The following UHRF2 variants were observed in gnomAD, a reference collection of about 807,000 sequenced individuals.
UHRF2 encodes E3 ubiquitin-protein ligase UHRF2.
Under a neutral mutation model 96.8 loss-of-function variants are expected in UHRF2, and 23 were observed. That is an observed-to-expected ratio of 0.24 (90% CI 0.17 to 0.34). UHRF2 has a LOEUF of 0.34. Among genes scored for constraint, UHRF2 ranks in the 10% least tolerant of loss-of-function variants. UHRF2 has a pLI of 1.00. For synonymous variants in UHRF2, 385 were observed against 332.6 expected (o/e 1.16, Z -1.72); for missense variants, 685 against 981.5 (o/e 0.70, Z 4.04).
chr9:6,468,377 T>G (rs1458661300), intron 4 of UHRF2: 2 of 451,744 alleles, frequency 4.4e-6, no homozygotes, highest in Non-Finnish European at 8.9e-6. Context: ...GGCAGTAGAT[T>G]AGTGCTTTTA....
chr9:6,482,596 G>T (rs1422640774), intron 8 of UHRF2, among the ~76,000 whole-genome samples: 2 of 148,104 alleles, frequency 1.4e-5, no homozygotes, highest in Non-Finnish European at 3.0e-5. Flanking sequence ...AATAAGAGGG[G>T]CCTTTTTTTT....
intron 14 of UHRF2, 147 bp downstream of exon 14, chr9:6,500,856 T>C (rs1816254888): frequency 1.4e-6 from 1 of 721,124 alleles, no homozygotes; most frequent in Non-Finnish European, 2.2e-6. Context: ...TCAGAAATAA[T>C]CTGAGGCAAC....
At chr9:6,454,862 G>A (rs912195201) in intron 3 of UHRF2, among the ~76,000 whole-genome samples, 1 of 152,154 alleles carries the variant, frequency 6.6e-6, no homozygotes, top group Non-Finnish European at 1.5e-5. Context: ...TTTTAAACTT[G>A]AGCATGCATC....
intron 9 of UHRF2, among the ~76,000 whole-genome samples, chr9:6,487,865 C>T (rs1017778813): frequency 1.3e-5 from 2 of 152,170 alleles, no homozygotes; most frequent in Non-Finnish European, 2.9e-5. Flanking sequence ...AAAACTGGTT[C>T]CAGTGTTAAA....
intron 1 of UHRF2, among the ~76,000 whole-genome samples, chr9:6,417,794 C>T (rs560709677): frequency 6.6e-6 from 1 of 152,200 alleles, no homozygotes; most frequent in East Asian, 1.9e-4. Context: ...GACATTTTTT[C>T]CTGTCAAATC....
chr9:6,436,731 G>C lies in UHRF2; in HGVS notation c.644+2558G>C, dbSNP rs188667433. 5.5e-4 allele frequency among the ~76,000 whole-genome samples: 84 copies of C among 152,240 alleles called. 3 individuals are homozygous for C. The Middle Eastern group carries it at 0.01, about 18-fold the overall frequency. On this transcript the variant is annotated intron_variant, in intron 3 of 15. Coordinates refer to ENST00000276893, the MANE Select transcript of UHRF2 (RefSeq NM_152896.3). ...CTACCCTTCAGTTTGGTGTATCTTA[G>C]AGCACAAAACACAGTACCTTAGCAT...
intron 3 of UHRF2, among the ~76,000 whole-genome samples, chr9:6,452,180 A>G (rs1292638038): frequency 6.6e-6 from 1 of 151,926 alleles, no homozygotes; most frequent in African/African-American, 2.4e-5. Context: ...TACCTGTATT[A>G]TGTTATCTTA....
At chr9:6,490,151 C>G (rs1824571665) in intron 9 of UHRF2, among the ~76,000 whole-genome samples, 1 of 152,148 alleles carries the variant, frequency 6.6e-6, no homozygotes, top group South Asian at 2.1e-4. Context: ...TTGATCTGGT[C>G]TCTGACATTT....
rs116959129 is a variant in UHRF2, at chr9:6,473,055, A to G, written c.864-2336A>G. Among the ~76,000 whole-genome samples, 50 of 152,334 alleles carry G rather than the reference A, an allele frequency of 3.3e-4. No homozygotes were observed. The East Asian group carries it at 8.3e-3, about 25-fold the overall frequency. On this transcript the variant is annotated intron_variant, in intron 4 of 15. Transcript: ENST00000276893. The stretch of plus-strand genomic sequence containing the variant: ...CAGTAAGCTTTCCTAGTACCTAACT[A>G]TGGTCTCGAAATACCTTTCCCACTG...
intron 3 of UHRF2, among the ~76,000 whole-genome samples, chr9:6,438,738 C>T (rs530957352): frequency 2.6e-5 from 4 of 152,244 alleles, no homozygotes; most frequent in African/African-American, 9.6e-5. Flanking sequence ...TAGTAATCTA[C>T]GTATCTAATA....
At chr9:6,469,495 C>T (rs538867212) in intron 4 of UHRF2, among the ~76,000 whole-genome samples, 8 of 150,774 alleles carry the variant, frequency 5.3e-5, no homozygotes, top group East Asian at 2.0e-4. Flanking sequence ...TTCAGCCTGG[C>T]GACAGAGCGA....
intron 3 of UHRF2, among the ~76,000 whole-genome samples, chr9:6,446,481 A>T (rs547852297): frequency 6.6e-6 from 1 of 151,856 alleles, no homozygotes; most frequent in Admixed American, 6.6e-5. Flanking sequence ...GGGTTTCGCC[A>T]TGTTGCCCAG....
At chr9:6,437,527 C>G (rs997243431) in intron 3 of UHRF2, among the ~76,000 whole-genome samples, 2 of 152,206 alleles carry the variant, frequency 1.3e-5, no homozygotes, top group African/African-American at 2.4e-5. Context: ...GTCACTGCAC[C>G]TGGCCAGATT....
chr9:6,471,173 C>G (rs1021945455), intron 4 of UHRF2, among the ~76,000 whole-genome samples: 1 of 152,200 alleles, frequency 6.6e-6, no homozygotes, highest in Admixed American at 6.5e-5. Flanking sequence ...AACTCATGGA[C>G]AGCATCTACA....
intron 1 of UHRF2, among the ~76,000 whole-genome samples, chr9:6,418,859 A>T (rs1031052824): frequency 3.3e-5 from 5 of 152,204 alleles, no homozygotes; most frequent in Non-Finnish European, 7.3e-5. Context: ...ACAGTTCTAG[A>T]GGTCTAGCAA....
chr9:6,434,797 T>C (rs1173968325), intron 3 of UHRF2, among the ~76,000 whole-genome samples: 2 of 152,034 alleles, frequency 1.3e-5, no homozygotes, highest in Non-Finnish European at 2.9e-5. Context: ...TTTTATAATA[T>C]GTAGTGTAAT....
intron 4 of UHRF2, among the ~76,000 whole-genome samples, chr9:6,473,329 A>G (rs1183161590): frequency 6.6e-6 from 1 of 152,184 alleles, no homozygotes; most frequent in Admixed American, 6.5e-5. Context: ...GTTGTTAGAG[A>G]ATGATTTATT....
In UHRF2 at chr9:6,474,352, T is replaced by A. The variant is rs1823432831; in HGVS notation, c.864-1039T>A. On this transcript the variant is annotated intron_variant, in intron 4 of 15. Coordinates refer to ENST00000276893, the MANE Select transcript of UHRF2 (RefSeq NM_152896.3). ...TCAGAATGCATTACTAGAGATAAGATATTCAGTAAGATTTAGGCTTCTTAA... is the reference window on the plus strand; with the variant it reads ...TCAGAATGCATTACTAGAGATAAGAAATTCAGTAAGATTTAGGCTTCTTAA... Among the ~76,000 whole-genome samples the A allele has an allele frequency of 1.3e-5, 2 of 152,206 alleles. 1 individual carries two copies. Among genetic ancestry groups the A allele is most frequent in the South Asian group, 4.1e-4 (2 of 4,834 alleles).
chr9:6,498,313 A>G, intron 12 of UHRF2, 155 bp downstream of exon 12: 2 of 821,898 alleles, frequency 2.4e-6, no homozygotes, highest in East Asian at 3.1e-5. Context: ...GGAAAAGAAG[A>G]GAAAAGGTAG....
Sources: gnomAD v4.1 joint callset for allele counts (sites outside exome capture counted in the v4.1 genomes callset) on GRCh38, gnomAD v4.1.1 for gene constraint, MANE v1.5 for transcripts, NCBI Gene and HGNC (gene_info 2026-07-23, HGNC 2026-07-21) for gene names.